Variants in PARP14 observed in about 807,000 individuals in gnomAD.
The protein encoded by PARP14 is protein mono-ADP-ribosyltransferase PARP14.
PARP14 carries 59 observed loss-of-function variants against 154.2 expected under a neutral mutation model. The observed-to-expected ratio is 0.38, with a 90% CI of 0.31 to 0.48. The LOEUF is 0.48. Ranked by LOEUF, PARP14 falls within the 20% of genes least tolerant of loss-of-function variation. PARP14 has a pLI of 0.98. For synonymous variants in PARP14, 720 were observed against 780.5 expected (o/e 0.92, Z 1.29); for missense variants, 1,734 against 2,131.6 (o/e 0.81, Z 3.67).
intron 1 of PARP14, chr3:122,683,309 G>A (rs1302495662): frequency 3.3e-5 from 32 of 983,982 alleles, no homozygotes; most frequent in South Asian, 4.7e-5. Flanking sequence ...CAACAGGTGC[G>A]GGCCCATAGC....
rs1406476791 is a variant in PARP14, at chr3:122,728,460, G to A, written c.5269G>A (p.Val1757Met). The A allele has an allele frequency of 2.5e-6, 4 of 1,613,776 alleles. No individual in the cohort carries two copies. Among genetic ancestry groups the A allele is most frequent in the Non-Finnish European group, 3.4e-6 (4 of 1,179,846 alleles). The change falls in exon 17 of 17, where the codon GTG becomes ATG. Residue 1757 changes from valine (V) to methionine (M), a missense_variant. This residue lies in a region of PARP14 where 88 missense variants were observed against 155.6 expected (regional missense o/e 0.57). Transcript: ENST00000474629. ...IYTHGNHSLIVPPSKNPQNPT... is the reference protein window; with the variant it reads ...IYTHGNHSLIMPPSKNPQNPT... ...TACACATGGAAATCATTCATTAATT[G>A]TGCCTCCTTCAAAGAACCCTCAAAA...
chr3:122,689,187 T>G (rs778970601), intron 3 of PARP14, among the ~76,000 whole-genome samples: 2 of 152,202 alleles, frequency 1.3e-5, no homozygotes, highest in Non-Finnish European at 2.9e-5. Flanking sequence ...GCCACATGTG[T>G]CATCTTCCTC....
intron 9 of PARP14, among the ~76,000 whole-genome samples, chr3:122,712,240 C>CTTTTTTTTTTTTT (rs55876947): frequency 2.2e-5 from 3 of 138,356 alleles, no homozygotes; most frequent in Non-Finnish European, 3.2e-5. Flanking sequence ...GGATTCACAT[C>CTTTTTTTTTTTTT]TTTTTTTTTT....
chr3:122,704,771 T>C (rs377672922), intron 8 of PARP14, 23 bp downstream of exon 8: 6 of 1,419,432 alleles, frequency 4.2e-6, no homozygotes, highest in Non-Finnish European at 4.9e-6. Context: ...TAATTTCTGA[T>C]TATTTTGGCA....
chr3:122,686,642 T>A (rs1207385473), intron 2 of PARP14: 3 of 155,606 alleles, frequency 1.9e-5, no homozygotes, highest in African/African-American at 7.2e-5. Flanking sequence ...TTCCTAATTT[T>A]TTTTTGTAGA....
At chr3:122,720,773 C>T (rs780348085) in intron 15 of PARP14, 1 of 458,790 alleles carries the variant, frequency 2.2e-6, no homozygotes, top group South Asian at 1.5e-5. Context: ...ATCAACAGTG[C>T]TTCCTTGATA....
chr3:122,721,651 T>C (rs1388589053), intron 15 of PARP14: 3 of 152,198 alleles, frequency 2.0e-5, no homozygotes, highest in African/African-American at 7.2e-5. Context: ...TAATGCATCA[T>C]ACGTAAGTAA....
rs566453294 is a variant in PARP14, at chr3:122,689,737, C to A, written c.356-2564C>A. 3.3e-5 allele frequency among the ~76,000 whole-genome samples: 5 copies of A among 152,320 alleles called. No homozygotes were observed. In the South Asian group the frequency reaches 1.0e-3, roughly 32 times the overall value. ...TGTGTCTGCCACCCTTCTCCTTAAA[C>A]CTGACCAGCCCTTTGCACTATTGCT... On this transcript the variant is annotated intron_variant, in intron 3 of 16. Coordinates refer to ENST00000474629, the MANE Select transcript of PARP14 (RefSeq NM_017554.3).
At chr3:122,723,446 C>T (rs1933208636) in intron 15 of PARP14, among the ~76,000 whole-genome samples, 1 of 152,186 alleles carries the variant, frequency 6.6e-6, no homozygotes, top group Non-Finnish European at 1.5e-5. Flanking sequence ...GAATGTATCA[C>T]ATTCTGGATC....
chr3:122,713,382 T>A (rs1939383796), intron 9 of PARP14, 42 bp from the exon 10 acceptor site: 2 of 1,569,628 alleles, frequency 1.3e-6, no homozygotes, highest in East Asian at 4.5e-5. Context: ...TCATTCTTGC[T>A]GTGGCTGACT....
Position 122,718,349 on chromosome 3 carries a change from T to C in PARP14, c.4208-10T>C. On this transcript the variant is annotated splice_polypyrimidine_tract_variant and intron_variant, in intron 13 of 16. Transcript: ENST00000474629. ...ACATGTGAAATACCTAATCTTCCTTTTCTTTTTAGCATTTTTGGGCTTTTC... is the reference window on the plus strand; with the variant it reads ...ACATGTGAAATACCTAATCTTCCTTCTCTTTTTAGCATTTTTGGGCTTTTC... 6.2e-7 allele frequency: 1 copy of C among 1,610,852 alleles called. No homozygotes were observed. The highest frequency in any genetic ancestry group is 8.5e-7 in the Non-Finnish European group (1 of 1,178,700).
At position 122,699,849 on chromosome 3, in the gene PARP14, T is replaced by C. The variant is rs1008998087; in HGVS notation, c.1295T>C (p.Met432Thr). The change falls in exon 6 of 17, where the codon ATG becomes ACG. Residue 432 changes from methionine to threonine, a missense_variant. Coordinates refer to ENST00000474629, the MANE Select transcript of PARP14 (RefSeq NM_017554.3). ...ILIEFDTLKE[M>T]VILAGKSEDV... ...ATTGAGTTTGATACACTTAAGGAGA[T>C]GGTAATCTTAGCAGGGAAATCAGAG... 1.2e-6 allele frequency: 2 copies of C among 1,613,862 alleles called. No homozygotes were observed. The highest frequency in any genetic ancestry group is 1.7e-5 in the Admixed American group (1 of 60,024).
At chr3:122,685,120 T>A (rs963417055) in intron 1 of PARP14, 65 bp from the exon 2 acceptor site, 43 of 1,579,802 alleles carry the variant, frequency 2.7e-5, no homozygotes, top group Non-Finnish European at 3.5e-5. Flanking sequence ...ACGGAAATCA[T>A]AGAATAATTT....
At chr3:122,685,152 A>G (rs774785843) in intron 1 of PARP14, 33 bp from the exon 2 acceptor site, 18 of 1,605,882 alleles carry the variant, frequency 1.1e-5, no homozygotes, top group Non-Finnish European at 1.4e-5. Context: ...ATTGCTTGTC[A>G]TTTGTCTTTT....
At chr3:122,693,613 T>C (rs2107639919) in intron 4 of PARP14, among the ~76,000 whole-genome samples, 2 of 152,142 alleles carry the variant, frequency 1.3e-5, no homozygotes, top group African/African-American at 4.8e-5. Context: ...CCAAGGCAGA[T>C]GGATTGCCTG....
rs760975771 is a variant in PARP14, at chr3:122,720,405, A to G, written c.4941+17A>G. 6.2e-7 allele frequency: 1 copy of G among 1,610,312 alleles called. No individual in the cohort carries two copies. Among genetic ancestry groups the G allele is most frequent in the Non-Finnish European group, 8.5e-7 (1 of 1,177,762 alleles). ...ATAGAGAAGGTAAGCCTTCTGCTAG[A>G]ATGCAGTTTCTGGATGGTGGAAATA... On this transcript the variant is annotated intron_variant, in intron 15 of 16. Transcript: ENST00000474629.
intron 15 of PARP14, among the ~76,000 whole-genome samples, chr3:122,725,534 C>T (rs1182920362): frequency 2.6e-5 from 4 of 152,160 alleles, no homozygotes; most frequent in African/African-American, 9.7e-5. Flanking sequence ...CTATAGAATA[C>T]ATACAACTGT....
chr3:122,692,254 G>A, intron 3 of PARP14, 47 bp from the exon 4 acceptor site: 1 of 1,551,490 alleles, frequency 6.4e-7, no homozygotes, highest in Non-Finnish European at 8.8e-7. Flanking sequence ...TAAGACCATG[G>A]TAGATAAGTA....
intron 12 of PARP14, among the ~76,000 whole-genome samples, chr3:122,717,068 G>A (rs964747077): frequency 3.3e-5 from 5 of 152,268 alleles, no homozygotes; most frequent in South Asian, 2.1e-4. Flanking sequence ...AATTTCCCTC[G>A]TTCTCTGATC....
Sources: gnomAD v4.1 joint callset for allele counts (sites outside exome capture counted in the v4.1 genomes callset) on GRCh38, gnomAD v4.1.1 for gene constraint, gnomAD v4.1.1 regional missense constraint, MANE v1.5 for transcripts, NCBI Gene and HGNC (gene_info 2026-07-23, HGNC 2026-07-21) for gene names.